ADGRB3: variants seen among roughly 807,000 people sequenced by gnomAD.
The protein encoded by ADGRB3 is brain-specific angiogenesis inhibitor 3.
ADGRB3 carries 37 observed loss-of-function variants against 193.4 expected under a neutral mutation model. That is an observed-to-expected ratio of 0.19 (90% CI 0.15 to 0.25). The LOEUF (loss-of-function observed/expected upper bound fraction) is 0.25, where lower values mean the gene tolerates loss of function less well. Among genes scored for constraint, ADGRB3 ranks in the 10% least tolerant of loss-of-function variants. The pLI is 1.00. For synonymous variants in ADGRB3, 690 were observed against 644.2 expected (o/e 1.07, Z -1.08); for missense variants, 1,637 against 1,852.9 (o/e 0.88, Z 2.14).
intron 17 of ADGRB3, among the ~76,000 whole-genome samples, chr6:69,128,951 C>A (rs1007169714): frequency 6.6e-6 from 1 of 152,100 alleles, no homozygotes; most frequent in Non-Finnish European, 1.5e-5. Flanking sequence ...TTCAGGCAAC[C>A]GATAGACCAG....
intron 17 of ADGRB3, among the ~76,000 whole-genome samples, chr6:69,166,270 C>T (rs1271629093): frequency 2.6e-5 from 4 of 151,930 alleles, no homozygotes; most frequent in African/African-American, 7.3e-5. Flanking sequence ...GTTCGTAGCT[C>T]GAAGAAAGCA....
At chr6:69,217,895 G>C (rs1765800215) in intron 17 of ADGRB3, among the ~76,000 whole-genome samples, 1 of 149,052 alleles carries the variant, frequency 6.7e-6, no homozygotes, top group Admixed American at 6.7e-5. Flanking sequence ...TAGACAGACA[G>C]GTATTCAGTT....
At chr6:69,201,007 A>G (rs1280410363) in intron 17 of ADGRB3, among the ~76,000 whole-genome samples, 1 of 152,164 alleles carries the variant, frequency 6.6e-6, no homozygotes, top group African/African-American at 2.4e-5. Context: ...AATGCTTCAC[A>G]GAGCCTATGA....
At chr6:69,191,955 G>A (rs1387273005) in intron 17 of ADGRB3, among the ~76,000 whole-genome samples, 1 of 152,122 alleles carries the variant, frequency 6.6e-6, no homozygotes, top group Non-Finnish European at 1.5e-5. Flanking sequence ...ACTAGACTGA[G>A]GGGAGTGAAG....
intron 17 of ADGRB3, among the ~76,000 whole-genome samples, chr6:69,133,883 A>C (rs1774080289): frequency 6.6e-6 from 1 of 151,936 alleles, no homozygotes; most frequent in African/African-American, 2.4e-5. Context: ...TATCATTCTT[A>C]TGCCTTTACA....
chr6:69,230,491 G>A (rs78081469), intron 17 of ADGRB3, among the ~76,000 whole-genome samples: 8,209 of 152,120 alleles, frequency 0.054, 569 homozygotes, highest in African/African-American at 0.15. Context: ...AAATCAATCA[G>A]ACATGTGTAC....
chr6:68,969,892 C>T (rs1488583368), intron 8 of ADGRB3, among the ~76,000 whole-genome samples: 1 of 152,212 alleles, frequency 6.6e-6, no homozygotes, highest in Non-Finnish European at 1.5e-5. Flanking sequence ...AAAATTGAAT[C>T]ATTTCACTTT....
chr6:69,258,630 A>C (rs1272809383), intron 20 of ADGRB3, among the ~76,000 whole-genome samples: 1 of 152,272 alleles, frequency 6.6e-6, no homozygotes, highest in African/African-American at 2.4e-5. Flanking sequence ...TTCAATTCTT[A>C]CAATGAAATG....
At chr6:69,177,100 T>C (rs1775447670) in intron 17 of ADGRB3, among the ~76,000 whole-genome samples, 1 of 152,196 alleles carries the variant, frequency 6.6e-6, no homozygotes, top group African/African-American at 2.4e-5. Flanking sequence ...ATTTGTTGTA[T>C]AGATTTTTGG....
At chr6:68,790,710 G>A (rs1357217415) in intron 3 of ADGRB3, among the ~76,000 whole-genome samples, 3 of 152,118 alleles carry the variant, frequency 2.0e-5, no homozygotes, top group Non-Finnish European at 2.9e-5. Flanking sequence ...AACTCCAACA[G>A]ACCTGCAGCT....
chr6:68,927,557 T>C (rs1767215406), intron 3 of ADGRB3, among the ~76,000 whole-genome samples: 1 of 151,948 alleles, frequency 6.6e-6, no homozygotes, highest in South Asian at 2.1e-4. Context: ...ACCATAACAT[T>C]ATCTGTTAAA....
intron 3 of ADGRB3, among the ~76,000 whole-genome samples, chr6:68,887,493 G>T (rs545041537): frequency 6.6e-6 from 1 of 151,932 alleles, no homozygotes; most frequent in Non-Finnish European, 1.5e-5. Flanking sequence ...ACTATTTTCC[G>T]GTTAGCAGAC....
At chr6:68,654,098 G>A (rs1768436900) in intron 3 of ADGRB3, among the ~76,000 whole-genome samples, 5 of 152,026 alleles carry the variant, frequency 3.3e-5, no homozygotes, top group Admixed American at 3.3e-4. Context: ...CACTTAGTAA[G>A]CACTGCTTCA....
chr6:69,065,121 T>C (rs1208321116), intron 16 of ADGRB3, among the ~76,000 whole-genome samples: 1 of 152,168 alleles, frequency 6.6e-6, no homozygotes, highest in African/African-American at 2.4e-5. Flanking sequence ...TGTCTTTCAG[T>C]ATTTTGAGTA....
At chr6:68,712,911 A>G (rs1369418071) in intron 3 of ADGRB3, among the ~76,000 whole-genome samples, 1 of 149,194 alleles carries the variant, frequency 6.7e-6, no homozygotes, top group Non-Finnish European at 1.5e-5. Flanking sequence ...TTAATAAAAT[A>G]ATTTTTTTTA....
In ADGRB3 at chr6:68,956,094, G is replaced by A. The variant is rs1768063578; in HGVS notation, c.1266G>A (p.Gln422=). 1 of 1,613,934 alleles carries A rather than the reference G, an allele frequency of 6.2e-7. No homozygotes were observed. The highest frequency in any genetic ancestry group is 1.3e-5 in the African/African-American group (1 of 74,920). The change falls in exon 7 of 32, where the codon CAG becomes CAA. Residue 422 remains glutamine, a synonymous_variant. Coordinates refer to ENST00000370598, the MANE Select transcript of ADGRB3 (RefSeq NM_001704.3). ...TAACGTGCTCGAATGGGACTCAGCA[G>A]AGAAGCCGGCAGTGCACTGCAGCTG... ...CSVTCSNGTQ[Q]RSRQCTAAAH...
At position 68,839,126 on chromosome 6, in the gene ADGRB3, A is replaced by C. The variant is rs747815230; in HGVS notation, c.758-91433A>C. On this transcript the variant is annotated intron_variant, in intron 3 of 31. Coordinates refer to ENST00000370598, the MANE Select transcript of ADGRB3 (RefSeq NM_001704.3). ...CACACACACATTCCCACATACACACATTAGACCTTCCTATAACAAGTCATT... is the reference window on the plus strand; with the variant it reads ...CACACACACATTCCCACATACACACCTTAGACCTTCCTATAACAAGTCATT... Among the ~76,000 whole-genome samples the C allele has an allele frequency of 2.6e-5, 4 of 151,478 alleles. 1 individual carries two copies. The highest frequency in any genetic ancestry group is 2.6e-4 in the Admixed American group (4 of 15,174).
chr6:68,671,190 T>TC (rs1768948402), intron 3 of ADGRB3, among the ~76,000 whole-genome samples: 2 of 152,026 alleles, frequency 1.3e-5, no homozygotes, highest in Admixed American at 6.6e-5. Flanking sequence ...TAAGATTATA[T>TC]CATCTGTAAA....
intron 20 of ADGRB3, among the ~76,000 whole-genome samples, chr6:69,295,814 C>A (rs758429430): frequency 6.6e-6 from 1 of 152,158 alleles, no homozygotes; most frequent in Non-Finnish European, 1.5e-5. Flanking sequence ...GCAAACCATA[C>A]AATCAACCTC....
Sources: gnomAD v4.1 joint callset for allele counts (sites outside exome capture counted in the v4.1 genomes callset) on GRCh38, gnomAD v4.1.1 for gene constraint, MANE v1.5 for transcripts, NCBI Gene and HGNC (gene_info 2026-07-23, HGNC 2026-07-21) for gene names.